Variants in BCAS3 observed in about 807,000 individuals in gnomAD.
BCAS3 encodes BCAS4/BCAS3 fusion.
BCAS3 carries 53 observed loss-of-function variants against 116.1 expected under a neutral mutation model. The observed-to-expected ratio is 0.46, with a 90% CI of 0.37 to 0.57. The LOEUF (loss-of-function observed/expected upper bound fraction) is 0.57, where lower values mean the gene tolerates loss of function less well. Ranked by LOEUF, BCAS3 falls within the 20% of genes least tolerant of loss-of-function variation. The pLI is 0.00. For missense variants in BCAS3, 917 were observed against 1,165.4 expected (o/e 0.79, Z 3.10); for synonymous variants, 391 against 408.2 (o/e 0.96, Z 0.51).
Position 60,931,872 on chromosome 17 carries a change from A to G in BCAS3, c.1087+7372A>G, listed in dbSNP as rs373165200. Among the ~76,000 whole-genome samples the G allele has an allele frequency of 6.6e-5, 10 of 152,290 alleles. No individual in the cohort carries two copies. In the East Asian group the frequency reaches 1.2e-3, roughly 18 times the overall value. On this transcript the variant is annotated intron_variant, in intron 13 of 23. Transcript: ENST00000407086. ...TGGATAGCTTGAGCTCAGGAGCTAGAGACCAGCCTAGGCAACATGGTGAAA... is the reference window on the plus strand; with the variant it reads ...TGGATAGCTTGAGCTCAGGAGCTAGGGACCAGCCTAGGCAACATGGTGAAA...
chr17:60,834,675 G>C (rs2051212965), intron 7 of BCAS3, among the ~76,000 whole-genome samples: 1 of 151,900 alleles, frequency 6.6e-6, no homozygotes, highest in Non-Finnish European at 1.5e-5. Flanking sequence ...ATCTTTTTAT[G>C]AGTTGAGCTA....
At chr17:61,135,567 A>G (rs973994483) in intron 22 of BCAS3, among the ~76,000 whole-genome samples, 1 of 152,190 alleles carries the variant, frequency 6.6e-6, no homozygotes. Flanking sequence ...CAGCTAGCTG[A>G]CTTGTCACCT....
chr17:61,205,437 A>G lies in BCAS3; in HGVS notation c.2425+120873A>G, dbSNP rs934542213. Among the ~76,000 whole-genome samples, 2 of 152,234 alleles carry G rather than the reference A, an allele frequency of 1.3e-5. No homozygotes were observed. Among genetic ancestry groups the G allele is most frequent in the Non-Finnish European group, 2.9e-5 (2 of 68,052 alleles). The stretch of plus-strand genomic sequence containing the variant: ...CTGCATACTTCTAATTCTACAAGAA[A>G]GATAGCTGTTGAGAGAGCTAATATC... On this transcript the variant is annotated intron_variant, in intron 22 of 23. Coordinates refer to ENST00000407086, the MANE Select transcript of BCAS3 (RefSeq NM_017679.5). This position sits in a 1 kb window ranked among gnomAD's most constrained non-coding sequence, Gnocchi z 5.2.
At chr17:61,304,651 AC>A (rs139570039) in intron 22 of BCAS3, among the ~76,000 whole-genome samples, 3,042 of 152,278 alleles carry the variant, frequency 0.02, 101 homozygotes, top group African/African-American at 0.069. Context: ...AGCTCTGTAC[AC>A]ACCTCAATGT....
intron 6 of BCAS3, among the ~76,000 whole-genome samples, chr17:60,768,091 C>T (rs1456981338): frequency 1.3e-5 from 2 of 152,188 alleles, no homozygotes; most frequent in African/African-American, 4.8e-5. Context: ...GACACCGTGC[C>T]CATCATCTGT....
At chr17:60,930,126 A>T (rs1438808515) in intron 13 of BCAS3, among the ~76,000 whole-genome samples, 1 of 152,194 alleles carries the variant, frequency 6.6e-6, no homozygotes, top group Non-Finnish European at 1.5e-5. Context: ...AAATATAACT[A>T]ATAGATCCTC....
intron 15 of BCAS3, among the ~76,000 whole-genome samples, chr17:60,992,837 T>C (rs1194329481): frequency 6.6e-6 from 1 of 152,236 alleles, no homozygotes; most frequent in Non-Finnish European, 1.5e-5. Flanking sequence ...TTGTGTTTTC[T>C]ATGTAGATGT....
At chr17:61,022,696 G>C (rs1304279449) in intron 16 of BCAS3, among the ~76,000 whole-genome samples, 1 of 152,132 alleles carries the variant, frequency 6.6e-6, no homozygotes, top group Admixed American at 6.5e-5. Context: ...CTCAAGTGCA[G>C]TAGTGTGATC....
intron 16 of BCAS3, among the ~76,000 whole-genome samples, chr17:61,030,945 A>G (rs2066591006): frequency 2.6e-5 from 4 of 152,122 alleles, no homozygotes; most frequent in Admixed American, 6.6e-5. Flanking sequence ...GTTCTCATGT[A>G]TAACCATTTT....
chr17:60,741,673 T>G (rs974851732), intron 5 of BCAS3, among the ~76,000 whole-genome samples: 3 of 152,330 alleles, frequency 2.0e-5, no homozygotes, highest in Admixed American at 2.0e-4. Context: ...TTGATTTAAA[T>G]CCATAATTTT....
chr17:61,087,059 T>C lies in BCAS3; in HGVS notation c.2425+2495T>C. The C allele has an allele frequency of 1.0e-6, 1 of 985,056 alleles. No individual in the cohort carries two copies. Among genetic ancestry groups the C allele is most frequent in the Admixed American group, 6.1e-5 (1 of 16,294 alleles). The allele number at this position is 985,056 out of a possible 1,614,324, so 61.0% of individuals were successfully genotyped here. ...GAGGCTAAATAATTTGAGTTCTTTA[T>C]GTAAACATATTTATGGGAAAATTTT... On this transcript the variant is annotated intron_variant, in intron 22 of 23. Coordinates refer to ENST00000407086, the MANE Select transcript of BCAS3 (RefSeq NM_017679.5). This position sits in a 1 kb window ranked among gnomAD's most constrained non-coding sequence, Gnocchi z 4.6.
chr17:61,209,660 C>T (rs2081342753), intron 22 of BCAS3, among the ~76,000 whole-genome samples: 1 of 152,302 alleles, frequency 6.6e-6, no homozygotes. Flanking sequence ...GAGGGGGTGT[C>T]TTTGTCCAAA....
chr17:61,210,531 C>G lies in BCAS3; in HGVS notation c.2425+125967C>G, dbSNP rs1481565127. 2.6e-5 allele frequency among the ~76,000 whole-genome samples: 4 copies of G among 152,162 alleles called. No homozygotes were observed. In the East Asian group the frequency reaches 7.7e-4, roughly 29 times the overall value. ...TCTGAATTTCTTTCCCAGCTCATGC[C>G]TAGTGGGTAAGAGTAAGATAACATC... On this transcript the variant is annotated intron_variant, in intron 22 of 23. Coordinates refer to ENST00000407086, the MANE Select transcript of BCAS3 (RefSeq NM_017679.5).
In BCAS3 at chr17:61,282,542, T is replaced by C. The variant is rs1445021262; in HGVS notation, c.2426-85785T>C. ...AAAGTTGGTTTCGTTGGCTTACTCT[T>C]AGACAGATGTGACTTCCTGTGTCAG... On this transcript the variant is annotated intron_variant, in intron 22 of 23. Transcript: ENST00000407086. The surrounding 1 kb of genome is among the most constrained non-coding windows in gnomAD (Gnocchi z 5.9). Among the ~76,000 whole-genome samples the C allele has an allele frequency of 6.6e-6, 1 of 152,224 alleles. No homozygotes were observed. Among genetic ancestry groups the C allele is most frequent in the Non-Finnish European group, 1.5e-5 (1 of 68,036 alleles).
At chr17:61,297,318 T>A (rs956482200) in intron 22 of BCAS3, among the ~76,000 whole-genome samples, 6 of 152,116 alleles carry the variant, frequency 3.9e-5, no homozygotes, top group African/African-American at 1.4e-4. Context: ...GTGTTCACTT[T>A]GGAGCATACT....
At chr17:61,031,728 AT>A in intron 16 of BCAS3, among the ~76,000 whole-genome samples, 1 of 152,226 alleles carries the variant, frequency 6.6e-6, no homozygotes, top group South Asian at 2.1e-4. Flanking sequence ...ATAGCAAGTT[AT>A]TTTCAGGGTG....
Position 60,714,919 on chromosome 17 carries a change from A to G in BCAS3, c.321+5594A>G, listed in dbSNP as rs568262482. The stretch of plus-strand genomic sequence containing the variant: ...TTCAACACACCAGATGTAACATAGA[A>G]TGATTGTTATGTGGGCGTTCCAGAT... On this transcript the variant is annotated intron_variant, in intron 5 of 23. Transcript: ENST00000407086. Among the ~76,000 whole-genome samples the G allele has an allele frequency of 1.2e-4, 18 of 152,252 alleles. No individual in the cohort carries two copies. In the South Asian group the frequency reaches 3.1e-3, roughly 26 times the overall value.
In BCAS3 at chr17:60,982,467, C is replaced by T. The variant is rs142122484; in HGVS notation, c.1222-7504C>T. On this transcript the variant is annotated intron_variant, in intron 14 of 23. Coordinates refer to ENST00000407086, the MANE Select transcript of BCAS3 (RefSeq NM_017679.5). The stretch of plus-strand genomic sequence containing the variant: ...GAGCTACAAGTGCATCATTGCGCCT[C>T]GCTTGCTATTGAATTCTTTAAAGTA... Among the ~76,000 whole-genome samples, 58 of 152,148 alleles carry T rather than the reference C, an allele frequency of 3.8e-4. 1 individual carries two copies. Among genetic ancestry groups the T allele is most frequent in the Admixed American group, 2.7e-3 (41 of 15,272 alleles).
At chr17:60,679,563 CAATAGCT>C in intron 2 of BCAS3, 23 bp downstream of exon 2, 1 of 1,553,794 alleles carries the variant, frequency 6.4e-7, no homozygotes. Context: ...CAGATAAACC[CAATAGCT>C]GAAGAAAAGA....
Sources: gnomAD v4.1 joint callset for allele counts (sites outside exome capture counted in the v4.1 genomes callset) on GRCh38, gnomAD v4.1.1 for gene constraint, Gnocchi (gnomAD v3.1) non-coding constraint, MANE v1.5 for transcripts, NCBI Gene and HGNC (gene_info 2026-07-23, HGNC 2026-07-21) for gene names.